The following SLIT1 variants were observed in gnomAD, a reference collection of about 807,000 sequenced individuals.
The protein encoded by SLIT1 is slit guidance ligand 1, also known as slit homolog 1 protein.
SLIT1 carries 66 observed loss-of-function variants against 186.1 expected under a neutral mutation model. The observed-to-expected ratio is 0.35, with a 90% CI of 0.29 to 0.44. The LOEUF is 0.44. SLIT1 is among the 20% of genes least tolerant of loss of function. The probability of loss-of-function intolerance (pLI) is 1.00; values close to 1 mark genes in which losing one functional copy is unlikely to be tolerated. For synonymous variants in SLIT1, 761 were observed against 833.8 expected (o/e 0.91, Z 1.50); for missense variants, 1,638 against 2,037.4 (o/e 0.80, Z 3.77).
chr10:97,015,851 G>A (rs1848450493), intron 28 of SLIT1, among the ~76,000 whole-genome samples: 1 of 152,110 alleles, frequency 6.6e-6, no homozygotes, highest in Non-Finnish European at 1.5e-5. Flanking sequence ...GGACAGAGAC[G>A]CATGGCAGAG....
intron 25 of SLIT1, among the ~76,000 whole-genome samples, chr10:97,029,525 A>G (rs185798898): frequency 6.6e-6 from 1 of 152,360 alleles, no homozygotes; most frequent in East Asian, 1.9e-4. Context: ...AAGAGATGCC[A>G]GGAGAGAATG....
intron 4 of SLIT1, among the ~76,000 whole-genome samples, chr10:97,099,761 G>T (rs1039003473): frequency 1.3e-5 from 2 of 152,132 alleles, no homozygotes; most frequent in Non-Finnish European, 2.9e-5. Context: ...GTACCTTCTC[G>T]CCCAGGGGAG....
At chr10:97,027,932 G>C (rs767627476) in intron 25 of SLIT1, among the ~76,000 whole-genome samples, 2 of 152,134 alleles carry the variant, frequency 1.3e-5, no homozygotes, top group African/African-American at 4.8e-5. Flanking sequence ...AAATGCAAAG[G>C]TGTAAAATGT....
At chr10:97,164,125 G>A (rs1180050316) in intron 2 of SLIT1, among the ~76,000 whole-genome samples, 1 of 152,230 alleles carries the variant, frequency 6.6e-6, no homozygotes, top group Non-Finnish European at 1.5e-5. Context: ...CAGAGCATCC[G>A]GCTGGTGGGG....
chr10:97,119,223 G>T (rs1297924364), intron 4 of SLIT1, among the ~76,000 whole-genome samples: 2 of 152,188 alleles, frequency 1.3e-5, no homozygotes, highest in Non-Finnish European at 2.9e-5. Context: ...ACCCTCACAG[G>T]AAGGTCAGGG....
In SLIT1 at chr10:97,173,494, C is replaced by CTT. The variant is rs71007318; in HGVS notation, c.198-8606_198-8605dup. On this transcript the variant is annotated intron_variant, in intron 1 of 36. Coordinates refer to ENST00000266058, the MANE Select transcript of SLIT1 (RefSeq NM_003061.3). Reference sequence around the variant, plus strand: ...CCTGGGCTGGAATCCCAGCTCCATCCTTTTTTTTTTTTTTTTTTTTTTAAC... The same window carrying CTT: ...CCTGGGCTGGAATCCCAGCTCCATCCTTTTTTTTTTTTTTTTTTTTTTTTAAC... Among the ~76,000 whole-genome samples, 159 of 128,178 alleles carry CTT rather than the reference C, an allele frequency of 1.2e-3. 2 individuals are homozygous for CTT. The highest frequency in any genetic ancestry group is 3.8e-3 in the African/African-American group (130 of 34,032). 84.1% of individuals were successfully genotyped at this position (128,178 alleles called of 152,430 possible).
chr10:97,166,599 G>GAA, intron 1 of SLIT1, among the ~76,000 whole-genome samples: 1 of 70,534 alleles, frequency 1.4e-5, no homozygotes. Flanking sequence ...AAGAAAGAAA[G>GAA]AAAGAAAGAA....
chr10:97,072,747 G>A (rs984266952), intron 4 of SLIT1, among the ~76,000 whole-genome samples: 19 of 152,178 alleles, frequency 1.2e-4, no homozygotes, highest in African/African-American at 4.6e-4. Context: ...GCAGCAAAGC[G>A]GGTGGTAGAA....
chr10:97,166,569 G>GAGAAAGAAAGAAAGAAAGAA (rs1554854785), intron 1 of SLIT1, among the ~76,000 whole-genome samples: 9 of 58,958 alleles, frequency 1.5e-4, no homozygotes, highest in South Asian at 5.6e-4. Flanking sequence ...GAGAGAGAGA[G>GAGAAAGAAAGAAAGAAAGAA]AGAAAGAAAG....
intron 25 of SLIT1, among the ~76,000 whole-genome samples, chr10:97,023,625 G>A (rs1167056986): frequency 2.0e-5 from 3 of 152,184 alleles, no homozygotes; most frequent in African/African-American, 7.2e-5. Flanking sequence ...AGATGGACAA[G>A]ACATGGATTT....
At chr10:97,158,950 T>G (rs1006263984) in intron 3 of SLIT1, among the ~76,000 whole-genome samples, 27 of 151,644 alleles carry the variant, frequency 1.8e-4, no homozygotes, top group African/African-American at 6.0e-4. Context: ...ATGAGAGGAT[T>G]GCTTGAGGCC....
chr10:97,125,770 C>T (rs960116932), intron 4 of SLIT1, among the ~76,000 whole-genome samples: 2 of 151,092 alleles, frequency 1.3e-5, no homozygotes, highest in Admixed American at 1.3e-4. Flanking sequence ...AACCAGGAGG[C>T]AGAGGTTTCG....
In SLIT1 at chr10:97,141,653, T is replaced by C. The variant is rs115417450; in HGVS notation, c.413+16165A>G. 8.5e-3 allele frequency among the ~76,000 whole-genome samples: 1,271 copies of C among 149,326 alleles called. 21 individuals are homozygous for C. Among genetic ancestry groups the C allele is most frequent in the African/African-American group, 0.03 (1,178 of 39,736 alleles). Reference sequence around the variant, plus strand: ...CACCTTAATGCACTGTATTGCATTGTATTGTATTGCATTGCATTGTATCGT... The same window carrying C: ...CACCTTAATGCACTGTATTGCATTGCATTGTATTGCATTGCATTGTATCGT... On this transcript the variant is annotated intron_variant, in intron 4 of 36. Coordinates refer to ENST00000266058, the MANE Select transcript of SLIT1 (RefSeq NM_003061.3).
chr10:97,008,604 G>A (rs1469802087), intron 31 of SLIT1, among the ~76,000 whole-genome samples: 1 of 151,688 alleles, frequency 6.6e-6, no homozygotes, highest in Non-Finnish European at 1.5e-5. Context: ...GCTGAGGCAG[G>A]AGAATTGCTT....
intron 20 of SLIT1, among the ~76,000 whole-genome samples, chr10:97,042,271 G>C (rs1848696800): frequency 6.6e-6 from 1 of 152,168 alleles, no homozygotes; most frequent in Non-Finnish European, 1.5e-5. Flanking sequence ...GGAGAAGGGG[G>C]CTGGAAGCTG....
intron 20 of SLIT1, among the ~76,000 whole-genome samples, chr10:97,041,761 G>A (rs999951367): frequency 2.0e-5 from 3 of 152,238 alleles, no homozygotes; most frequent in East Asian, 1.9e-4. Flanking sequence ...ATGAGCCTCC[G>A]CGCCTGGCCT....
At chr10:97,141,702 G>GTATCGTATCA in intron 4 of SLIT1, among the ~76,000 whole-genome samples, 1 of 98,380 alleles carries the variant, frequency 1.0e-5, no homozygotes, top group South Asian at 3.0e-4. Flanking sequence ...GTATCGTATC[G>GTATCGTATCA]TATTGTATTG....
intron 23 of SLIT1, among the ~76,000 whole-genome samples, 160 bp from the exon 24 acceptor site, chr10:97,031,837 C>G (rs1848594292): frequency 6.6e-6 from 1 of 152,242 alleles, no homozygotes; most frequent in South Asian, 2.1e-4. Flanking sequence ...GGGCTGCGCC[C>G]TAAGAAGCTG....
intron 1 of SLIT1, among the ~76,000 whole-genome samples, chr10:97,168,945 C>T (rs1368669032): frequency 6.6e-6 from 1 of 152,110 alleles, no homozygotes; most frequent in African/African-American, 2.4e-5. Context: ...CCCACTAAGG[C>T]GGGACAGAGG....
Sources: allele counts gnomAD v4.1 joint callset (sites outside exome capture counted in the v4.1 genomes callset), GRCh38; gene constraint gnomAD v4.1.1; transcripts MANE v1.5; gene names NCBI Gene and HGNC (gene_info 2026-07-23, HGNC 2026-07-21).